The following C6 variants were observed in gnomAD, a reference collection of about 807,000 sequenced individuals.
C6 encodes complement C6, also known as complement component C6.
Under a neutral mutation model 112.9 loss-of-function variants are expected in C6, and 101 were observed. The observed-to-expected ratio is 0.89, with a 90% CI of 0.76 to 1.06. The LOEUF (loss-of-function observed/expected upper bound fraction) is 1.06. Ranked by LOEUF, C6 falls within the 50% of genes least tolerant of loss-of-function variation. The pLI, the probability that C6 is intolerant of heterozygous loss-of-function variation, is 0.00. For missense variants in C6, 1,202 were observed against 1,104.6 expected (o/e 1.09, Z -1.25); for synonymous variants, 431 against 384.1 (o/e 1.12, Z -1.43).
chr5:41,152,671 T>A (rs551077241), intron 15 of C6: 11 of 152,306 alleles, frequency 7.2e-5, no homozygotes, highest in African/African-American at 2.6e-4. Context: ...GGCCCGGAAC[T>A]CTCCTGAACT....
chr5:41,241,730 A>G (rs1740723358), intron 1 of C6, among the ~76,000 whole-genome samples: 2 of 152,196 alleles, frequency 1.3e-5, no homozygotes, highest in African/African-American at 4.8e-5. Flanking sequence ...GTATGATAGG[A>G]AATGTGGGTT....
chr5:41,234,586 C>T (rs1182002360), intron 1 of C6, among the ~76,000 whole-genome samples: 3 of 152,052 alleles, frequency 2.0e-5, no homozygotes, highest in Non-Finnish European at 4.4e-5. Flanking sequence ...TATCATTGCT[C>T]TGTAGTTTCT....
At chr5:41,185,704 C>T (rs541062373) in intron 6 of C6, among the ~76,000 whole-genome samples, 2 of 152,208 alleles carry the variant, frequency 1.3e-5, no homozygotes, top group East Asian at 1.9e-4. Context: ...TATCTAAGAG[C>T]ACTACCTAGG....
At chr5:41,163,679 T>C (rs1040901553) in intron 9 of C6, among the ~76,000 whole-genome samples, 4 of 152,210 alleles carry the variant, frequency 2.6e-5, no homozygotes, top group African/African-American at 9.6e-5. Flanking sequence ...GTTTCATATA[T>C]GCTATTTAAA....
chr5:41,192,267 T>G (rs1207667578), intron 5 of C6, among the ~76,000 whole-genome samples: 1 of 152,202 alleles, frequency 6.6e-6, no homozygotes, highest in Non-Finnish European at 1.5e-5. Context: ...ATATCTGGGA[T>G]GTACTCTGGG....
intron 1 of C6, among the ~76,000 whole-genome samples, chr5:41,252,023 A>G (rs889002930): frequency 2.0e-5 from 3 of 152,370 alleles, no homozygotes; most frequent in Admixed American, 1.3e-4. Flanking sequence ...TAGCGTGGCT[A>G]TCTTTTCCAG....
chr5:41,204,670 CT>C (rs1196116815), intron 1 of C6, among the ~76,000 whole-genome samples: 7,215 of 97,866 alleles, frequency 0.074, 156 homozygotes, highest in African/African-American at 0.15. Context: ...TTTTTTTTTT[CT>C]TTTTTTTTTT....
chr5:41,157,546 T>G (rs1183444648), intron 13 of C6, among the ~76,000 whole-genome samples: 1 of 152,200 alleles, frequency 6.6e-6, no homozygotes, highest in Non-Finnish European at 1.5e-5. Context: ...GTGGCTGTGT[T>G]CCAATAAAAA....
At chr5:41,204,915 C>T (rs1002650925) in intron 1 of C6, among the ~76,000 whole-genome samples, 24 of 152,128 alleles carry the variant, frequency 1.6e-4, no homozygotes, top group Middle Eastern at 3.4e-3. Flanking sequence ...GTGATCAGCC[C>T]ACCTCGGCCT....
chr5:41,261,154 C>T (rs1463927590), intron 1 of C6: 10 of 979,588 alleles, frequency 1.0e-5, no homozygotes, highest in African/African-American at 3.5e-5. Context: ...TATGCATGCC[C>T]ACCAATTAAA....
Position 41,155,024 on chromosome 5 carries a change from G to A in C6, c.2049C>T (p.Tyr683=). The A allele has an allele frequency of 6.2e-7, 1 of 1,613,524 alleles. No individual in the cohort carries two copies. The highest frequency in any genetic ancestry group is 8.5e-7 in the Non-Finnish European group (1 of 1,179,508). Residue 683 remains tyrosine, a synonymous_variant, in exon 14 of 18, where the codon TAC becomes TAT. Transcript: ENST00000337836. ...LTGFETVGYQ[Y]FRCLPDGTWR... ...AGGTCCCGTCTGGTAAGCATCTGAA[G>A]TACTGGTATCCAACAGTTTCAAAGC...
intron 1 of C6, among the ~76,000 whole-genome samples, chr5:41,233,251 G>C (rs1020788858): frequency 6.6e-6 from 1 of 151,966 alleles, no homozygotes; most frequent in African/African-American, 2.4e-5. Flanking sequence ...TACTCATTCT[G>C]GTCATTATCA....
upstream of C6, among the ~76,000 whole-genome samples, chr5:41,215,123 GC>G (rs112148212): frequency 2.3e-3 from 348 of 152,204 alleles, 3 homozygotes; most frequent in African/African-American, 7.8e-3. Context: ...TGGTAAACTA[GC>G]CTGATGCCCG....
chr5:41,192,184 T>C (rs1750266802), intron 5 of C6, among the ~76,000 whole-genome samples: 1 of 152,206 alleles, frequency 6.6e-6, no homozygotes, highest in South Asian at 2.1e-4. Flanking sequence ...TCTGTTGATG[T>C]GATGACATTA....
intron 1 of C6, among the ~76,000 whole-genome samples, chr5:41,218,738 A>C (rs947449934): frequency 1.3e-5 from 2 of 152,130 alleles, no homozygotes; most frequent in Admixed American, 1.3e-4. Context: ...GGGACTTAGA[A>C]ATACTATTTA....
chr5:41,197,203 T>A (rs1038549526), intron 4 of C6, among the ~76,000 whole-genome samples: 2 of 152,104 alleles, frequency 1.3e-5, no homozygotes, highest in Non-Finnish European at 2.9e-5. Context: ...GAAGGTAGAG[T>A]GTAATTAAAA....
Position 41,160,234 on chromosome 5 carries a change from C to T in C6, c.1592G>A (p.Arg531Gln), listed in dbSNP as rs143506766. The T allele has an allele frequency of 7.6e-5, 122 of 1,613,746 alleles. No individual in the cohort carries two copies. The highest frequency in any genetic ancestry group is 9.1e-5 in the Non-Finnish European group (107 of 1,179,860). Residue 531 changes from arginine to glutamine, a missense_variant, in exon 11 of 18, where the codon CGA becomes CAA. Physicochemically the swap from Arg to Gln is conservative, Grantham distance 43. Transcript: ENST00000337836. ...CQCAPCPNNGRPTLSGTECLC... is the reference protein window; with the variant it reads ...CQCAPCPNNGQPTLSGTECLC... ...ACATTCAGTCCCTGAGAGGGTGGGT[C>T]GGCCATTATTAGGGCATGGAGCACA...
At chr5:41,237,220 C>A (rs1254740413) in intron 1 of C6, among the ~76,000 whole-genome samples, 1 of 132,630 alleles carries the variant, frequency 7.5e-6, no homozygotes, top group Non-Finnish European at 1.6e-5. Context: ...CTCCCTAACT[C>A]ATTTTATGAG....
chr5:41,158,878 G>T, intron 12 of C6, 93 bp from the exon 13 acceptor site: 2 of 956,930 alleles, frequency 2.1e-6, no homozygotes, highest in Non-Finnish European at 3.4e-6. Flanking sequence ...TGTACACATT[G>T]CATACATATA....
Sources: allele counts gnomAD v4.1 joint callset (sites outside exome capture counted in the v4.1 genomes callset), GRCh38; gene constraint gnomAD v4.1.1; transcripts MANE v1.5; gene names NCBI Gene and HGNC (gene_info 2026-07-23, HGNC 2026-07-21).